Variants in PRLR observed in about 807,000 individuals in gnomAD.
PRLR encodes the protein hPRL receptor.
PRLR carries 13 observed loss-of-function variants against 40.2 expected under a neutral mutation model. The observed-to-expected ratio is 0.32, with a 90% CI of 0.21 to 0.51. The LOEUF is 0.51. PRLR is among the 20% of genes least tolerant of loss of function. The pLI, the probability that PRLR is intolerant of heterozygous loss-of-function variation, is 0.97. For missense variants in PRLR, 656 were observed against 747.3 expected (o/e 0.88, Z 1.42); for synonymous variants, 269 against 278.7 (o/e 0.97, Z 0.35).
intron 1 of PRLR, among the ~76,000 whole-genome samples, chr5:35,147,629 A>T (rs1774217892): frequency 6.6e-6 from 1 of 152,194 alleles, no homozygotes; most frequent in Admixed American, 6.5e-5. Flanking sequence ...GCCTCAAAAT[A>T]AAGAATAAAT....
At chr5:35,052,911 G>T (rs778261911), downstream of PRLR, among the ~76,000 whole-genome samples, 11 of 152,342 alleles carry the variant, frequency 7.2e-5, no homozygotes, top group Admixed American at 5.9e-4. Context: ...AAAATGGACA[G>T]TTTCCTCTGT....
At chr5:35,072,308 A>C (rs1400318611) in intron 6 of PRLR, among the ~76,000 whole-genome samples, 1 of 152,164 alleles carries the variant, frequency 6.6e-6, no homozygotes, top group Non-Finnish European at 1.5e-5. Flanking sequence ...ACAAGGGTCT[A>C]GATCTAAAAT....
In PRLR at chr5:35,072,721, G is replaced by C; in HGVS notation, c.397C>G (p.Leu133Val). The change falls in exon 6 of 10, where the codon CTG becomes GTG. Residue 133 changes from leucine to valine, a missense_variant. Coordinates refer to ENST00000618457, the MANE Select transcript of PRLR (RefSeq NM_000949.7). The part of the protein sequence containing the change: ...YIVQPDPPLE[L>V]AVEVKQPEDR... ...TCTGGCTGTTTTACTTCCACAGCCA[G>C]CTCCAAAGGAGGGTCTGGCTGAACT... is the stretch of plus-strand genomic sequence containing the variant. 1.2e-6 allele frequency: 2 copies of C among 1,614,146 alleles called. No homozygotes were observed. The highest frequency in any genetic ancestry group is 1.7e-6 in the Non-Finnish European group (2 of 1,180,004).
intron 1 of PRLR, among the ~76,000 whole-genome samples, chr5:35,215,917 T>C (rs1776276092): frequency 6.6e-6 from 1 of 150,696 alleles, no homozygotes; most frequent in African/African-American, 2.4e-5. Flanking sequence ...GACGCACATC[T>C]GTTCCAGCTA....
At chr5:35,116,954 C>T (rs543702722) in intron 2 of PRLR, among the ~76,000 whole-genome samples, 3 of 152,268 alleles carry the variant, frequency 2.0e-5, no homozygotes, top group South Asian at 4.1e-4. Flanking sequence ...AGCCTGGAAA[C>T]ATTATTTTAT....
rs949548293 is a variant in PRLR at position 35,176,802 on chromosome 5, C to G, written c.-106+53466G>C. On this transcript the variant is annotated intron_variant, in intron 1 of 9. Coordinates refer to ENST00000618457, the MANE Select transcript of PRLR (RefSeq NM_000949.7). ...CCTGACCGTCCCCCAGCCCGACACCCGTAAAGGGTCTGTGCTGAGGAGGAT... is the reference window on the plus strand; with the variant it reads ...CCTGACCGTCCCCCAGCCCGACACCGGTAAAGGGTCTGTGCTGAGGAGGAT... Among the ~76,000 whole-genome samples the G allele has an allele frequency of 8.5e-4, 130 of 152,274 alleles. 1 individual carries two copies. The East Asian group carries it at 0.022, about 26-fold the overall frequency.
At chr5:35,194,842 T>C (rs12522419) in intron 1 of PRLR, among the ~76,000 whole-genome samples, 14,492 of 152,294 alleles carry the variant, frequency 0.095, 930 homozygotes, top group Non-Finnish European at 0.13. Context: ...CAGGTCATTA[T>C]ACATTTGTTA....
intron 2 of PRLR, among the ~76,000 whole-genome samples, chr5:35,106,263 T>G (rs2111595037): frequency 6.6e-6 from 1 of 152,310 alleles, no homozygotes; most frequent in South Asian, 2.1e-4. Flanking sequence ...TACCAGCCAC[T>G]GCAAAAACAT....
At chr5:35,120,442 T>C (rs1579695322) in intron 1 of PRLR, among the ~76,000 whole-genome samples, 2 of 152,296 alleles carry the variant, frequency 1.3e-5, no homozygotes, top group South Asian at 4.1e-4. Context: ...ATGTGCTAAA[T>C]TGTGCCTGAT....
chr5:35,204,856 G>T (rs1775974900), intron 1 of PRLR, among the ~76,000 whole-genome samples: 1 of 152,158 alleles, frequency 6.6e-6, no homozygotes, highest in Non-Finnish European at 1.5e-5. Context: ...TTGAATTCAA[G>T]TGATACTCAA....
At chr5:35,093,729 G>A (rs1771363581) in intron 2 of PRLR, among the ~76,000 whole-genome samples, 1 of 152,234 alleles carries the variant, frequency 6.6e-6, no homozygotes, top group African/African-American at 2.4e-5. Flanking sequence ...GTACAGTCAT[G>A]TGCCACATAA....
intron 2 of PRLR, among the ~76,000 whole-genome samples, chr5:35,107,879 C>T (rs1772372451): frequency 6.6e-6 from 1 of 152,176 alleles, no homozygotes; most frequent in Admixed American, 6.5e-5. Flanking sequence ...TTTCATGAGG[C>T]CAGCATCATC....
At chr5:35,226,767 T>G (rs1428943609) in intron 1 of PRLR, among the ~76,000 whole-genome samples, 1 of 152,200 alleles carries the variant, frequency 6.6e-6, no homozygotes, top group Non-Finnish European at 1.5e-5. Context: ...CTTCATAGCA[T>G]TTATCAGTAT....
intron 1 of PRLR, among the ~76,000 whole-genome samples, chr5:35,184,528 G>C (rs1041977911): frequency 6.6e-6 from 1 of 152,036 alleles, no homozygotes; most frequent in East Asian, 1.9e-4. Flanking sequence ...TAAAACAAAA[G>C]AAAGAAACAA....
In PRLR at chr5:35,068,208, G is replaced by C; in HGVS notation, c.855+8C>G. On this transcript the variant is annotated splice_region_variant and intron_variant, in intron 9 of 9. Coordinates refer to ENST00000618457, the MANE Select transcript of PRLR (RefSeq NM_000949.7). ...GTCACACTCCATTTTTTTGCCTCCT[G>C]TACTTACCTCCAACAGATGAGCATC... 2 of 1,607,300 alleles carry C rather than the reference G, an allele frequency of 1.2e-6. No individual in the cohort carries two copies. The highest frequency in any genetic ancestry group is 1.7e-6 in the Non-Finnish European group (2 of 1,173,882).
intron 2 of PRLR, among the ~76,000 whole-genome samples, chr5:35,109,586 C>T (rs914251828): frequency 2.4e-4 from 37 of 152,306 alleles, no homozygotes; most frequent in African/African-American, 8.9e-4. Context: ...CAAAAGAAGA[C>T]ATTTATGCAG....
chr5:35,225,033 T>C (rs143685259), intron 1 of PRLR, among the ~76,000 whole-genome samples: 1 of 152,330 alleles, frequency 6.6e-6, no homozygotes, highest in East Asian at 1.9e-4. Flanking sequence ...GAAACATTTA[T>C]TACTGCATGA....
downstream of PRLR, among the ~76,000 whole-genome samples, chr5:35,052,342 G>T (rs1329533853): frequency 1.3e-5 from 2 of 152,102 alleles, no homozygotes; most frequent in Non-Finnish European, 2.9e-5. Flanking sequence ...ACAGAGAAAA[G>T]CCATGTGAAC....
intron 5 of PRLR, among the ~76,000 whole-genome samples, chr5:35,078,858 C>A (rs1770302039): frequency 6.6e-6 from 1 of 152,178 alleles, no homozygotes; most frequent in African/African-American, 2.4e-5. Context: ...AGCTTATCCA[C>A]CATGATCAAG....
Sources: gnomAD v4.1 joint callset for allele counts (sites outside exome capture counted in the v4.1 genomes callset) on GRCh38, gnomAD v4.1.1 for gene constraint, MANE v1.5 for transcripts, NCBI Gene and HGNC (gene_info 2026-07-23, HGNC 2026-07-21) for gene names.